The following SGCZ variants were observed in gnomAD, a reference collection of about 807,000 sequenced individuals.
The protein encoded by SGCZ is zeta-sarcoglycan.
Under a neutral mutation model 41.3 loss-of-function variants are expected in SGCZ, and 40 were observed. The ratio of observed to expected loss-of-function variants is 0.97; its 90% CI spans 0.75 to 1.26. SGCZ has a LOEUF of 1.26. SGCZ is among the 50% of genes most tolerant of loss of function. The probability of loss-of-function intolerance (pLI) is 0.00; values close to 1 mark genes in which losing one functional copy is unlikely to be tolerated. For missense variants in SGCZ, 552 were observed against 369.8 expected (o/e 1.49, Z -4.04); for synonymous variants, 206 against 137.5 (o/e 1.50, Z -3.49).
chr8:14,421,694 T>C (rs748587308), intron 2 of SGCZ, among the ~76,000 whole-genome samples: 2 of 152,284 alleles, frequency 1.3e-5, no homozygotes, highest in Middle Eastern at 3.4e-3. Context: ...GCACAAGCCC[T>C]ATCTTGTGTA....
intron 1 of SGCZ, among the ~76,000 whole-genome samples, chr8:15,215,223 CTCT>C (rs1801360583): frequency 6.6e-6 from 1 of 152,158 alleles, no homozygotes; most frequent in Non-Finnish European, 1.5e-5. Flanking sequence ...ATAATTATTG[CTCT>C]TCAAGATATT....
rs532369776 is a variant in SGCZ at position 14,801,822 on chromosome 8, T to A, written c.40-246896A>T. 7.9e-4 allele frequency among the ~76,000 whole-genome samples: 109 copies of A among 137,188 alleles called. 2 individuals carry two copies. The highest frequency in any genetic ancestry group is 2.5e-3 in the African/African-American group (101 of 40,958). The allele number at this position is 137,188 out of a possible 152,430, so 90.0% of individuals were successfully genotyped here. ...AAGAGCACCAAATTTTTATGTGCTT[T>A]AAAAATATACAAGAGGATGGTTAGA... On this transcript the variant is annotated intron_variant, in intron 1 of 7. Coordinates refer to ENST00000382080, the MANE Select transcript of SGCZ (RefSeq NM_139167.4).
At chr8:14,601,391 G>C (rs1190983913) in intron 1 of SGCZ, among the ~76,000 whole-genome samples, 2 of 152,032 alleles carry the variant, frequency 1.3e-5, no homozygotes, top group Non-Finnish European at 1.5e-5. Flanking sequence ...GAAAGGGTAG[G>C]TTTAAATGTT....
chr8:14,357,774 A>T (rs1398420742), intron 2 of SGCZ, among the ~76,000 whole-genome samples: 1 of 152,166 alleles, frequency 6.6e-6, no homozygotes, highest in Non-Finnish European at 1.5e-5. Context: ...AATTGAGGCT[A>T]AGGGAAGATG....
At chr8:14,262,178 C>T (rs543727975) in intron 3 of SGCZ, among the ~76,000 whole-genome samples, 1 of 152,116 alleles carries the variant, frequency 6.6e-6, no homozygotes, top group Admixed American at 6.5e-5. Context: ...TTCAGTTCTC[C>T]AAGTAAAACC....
chr8:14,769,310 T>C (rs1800150889), intron 1 of SGCZ, among the ~76,000 whole-genome samples: 1 of 152,198 alleles, frequency 6.6e-6, no homozygotes, highest in African/African-American at 2.4e-5. Context: ...AAAAACCCTT[T>C]CTGCAAATAA....
At chr8:14,427,072 ATGAACGAATGAATGAG>A (rs1362767492) in intron 2 of SGCZ, among the ~76,000 whole-genome samples, 14 of 146,192 alleles carry the variant, frequency 9.6e-5, no homozygotes, top group Admixed American at 8.1e-4. Flanking sequence ...GAATGAGTGA[ATGAACGAATGAATGAG>A]TGAATGAATG....
At chr8:15,215,329 T>G (rs940992544) in intron 1 of SGCZ, among the ~76,000 whole-genome samples, 10 of 152,214 alleles carry the variant, frequency 6.6e-5, no homozygotes, top group Non-Finnish European at 1.5e-4. Flanking sequence ...GCACTGCATT[T>G]GGTATACGCA....
chr8:15,078,171 T>G (rs1208088153), intron 1 of SGCZ, among the ~76,000 whole-genome samples: 3 of 140,424 alleles, frequency 2.1e-5, no homozygotes, highest in African/African-American at 8.0e-5. Context: ...TTTTTTTTTT[T>G]TTTTTGCGTA....
Position 14,648,057 on chromosome 8 carries a change from G to A in SGCZ, c.40-93131C>T, listed in dbSNP as rs539092370. ...TGAACTTGACTTTGAAAATGGCTTGGCAGAAGGATTTGACAGGGAGTGACC... is the reference window on the plus strand; with the variant it reads ...TGAACTTGACTTTGAAAATGGCTTGACAGAAGGATTTGACAGGGAGTGACC... On this transcript the variant is annotated intron_variant, in intron 1 of 7. Transcript: ENST00000382080. 2.8e-4 allele frequency among the ~76,000 whole-genome samples: 42 copies of A among 152,028 alleles called. 2 individuals are homozygous for A. The highest frequency in any genetic ancestry group is 1.0e-3 in the African/African-American group (42 of 41,484).
At chr8:14,555,331 G>T (rs1371479846) in intron 1 of SGCZ, among the ~76,000 whole-genome samples, 1 of 151,938 alleles carries the variant, frequency 6.6e-6, no homozygotes, top group African/African-American at 2.4e-5. Context: ...GTTGGAGATG[G>T]CTCCTGGCGA....
At chr8:14,832,011 T>C (rs1434498238) in intron 1 of SGCZ, among the ~76,000 whole-genome samples, 4 of 152,100 alleles carry the variant, frequency 2.6e-5, no homozygotes, top group Non-Finnish European at 4.4e-5. Context: ...TAAATAGTAA[T>C]TGGTAGTTAT....
At chr8:15,011,917 T>A (rs1802838623) in intron 1 of SGCZ, among the ~76,000 whole-genome samples, 1 of 152,208 alleles carries the variant, frequency 6.6e-6, no homozygotes, top group Non-Finnish European at 1.5e-5. Context: ...CTGTGGTGCT[T>A]ATAAGTACAA....
intron 1 of SGCZ, among the ~76,000 whole-genome samples, chr8:15,232,261 T>A (rs1355663520): frequency 6.6e-6 from 1 of 152,234 alleles, no homozygotes; most frequent in Non-Finnish European, 1.5e-5. Flanking sequence ...ATTTATTATC[T>A]TATAGCAGTA....
chr8:14,869,663 A>T (rs867480236), intron 1 of SGCZ, among the ~76,000 whole-genome samples: 1 of 152,226 alleles, frequency 6.6e-6, no homozygotes, highest in Non-Finnish European at 1.5e-5. Flanking sequence ...CTGTTTGCAG[A>T]TGACATAAAT....
At chr8:15,229,948 GAGTT>G (rs1801891367) in intron 1 of SGCZ, among the ~76,000 whole-genome samples, 1 of 152,192 alleles carries the variant, frequency 6.6e-6, no homozygotes, top group African/African-American at 2.4e-5. Flanking sequence ...GATAATGTGT[GAGTT>G]AGTAATTAAA....
chr8:15,032,187 C>A (rs997700821), intron 1 of SGCZ, among the ~76,000 whole-genome samples: 1 of 152,040 alleles, frequency 6.6e-6, no homozygotes, highest in Non-Finnish European at 1.5e-5. Flanking sequence ...GCTCACACCC[C>A]ACAGAAACAT....
chr8:14,506,244 C>T (rs1802302043), intron 2 of SGCZ, among the ~76,000 whole-genome samples: 1 of 152,094 alleles, frequency 6.6e-6, no homozygotes, highest in Admixed American at 6.6e-5. Flanking sequence ...CCCACCACAT[C>T]CACCATATGT....
At chr8:14,713,571 T>A (rs1809590439) in intron 1 of SGCZ, among the ~76,000 whole-genome samples, 1 of 152,126 alleles carries the variant, frequency 6.6e-6, no homozygotes, top group South Asian at 2.1e-4. Flanking sequence ...AGGTTAGATT[T>A]TTGTTGTTGT....
Sources: gnomAD v4.1 joint callset for allele counts (sites outside exome capture counted in the v4.1 genomes callset) on GRCh38, gnomAD v4.1.1 for gene constraint, MANE v1.5 for transcripts, NCBI Gene and HGNC (gene_info 2026-07-23, HGNC 2026-07-21) for gene names.